CFAP54: variants seen among roughly 807,000 people sequenced by gnomAD.
CFAP54 encodes cilia- and flagella-associated protein 54.
CFAP54 carries 290 observed loss-of-function variants against 370.4 expected under a neutral mutation model. The ratio of observed to expected loss-of-function variants is 0.78; its 90% CI spans 0.71 to 0.86. The LOEUF (loss-of-function observed/expected upper bound fraction) is 0.86. CFAP54 is among the 40% of genes least tolerant of loss of function. The probability of loss-of-function intolerance (pLI) is 0.00; values close to 1 mark genes in which losing one functional copy is unlikely to be tolerated. For synonymous variants in CFAP54, 1,206 were observed against 1,236.5 expected, an observed-to-expected ratio of 0.98 and a Z score of 0.52; for missense variants, 3,399 against 3,528.7, an observed-to-expected ratio of 0.96 and a Z score of 0.93.
intron 22 of CFAP54, among the ~76,000 whole-genome samples, chr12:96,587,853 G>T (rs546678801): frequency 6.6e-6 from 1 of 151,998 alleles, no homozygotes; most frequent in Non-Finnish European, 1.5e-5. Context: ...TTTGATTAAT[G>T]TAGCCCAGAA....
chr12:96,561,992 G>T (rs1592852035), intron 17 of CFAP54, among the ~76,000 whole-genome samples: 1 of 151,928 alleles, frequency 6.6e-6, no homozygotes, highest in Non-Finnish European at 1.5e-5. Flanking sequence ...CACCATGTTG[G>T]CCAGGCTGGT....
intron 66 of CFAP54, among the ~76,000 whole-genome samples, chr12:96,855,656 G>A (rs1959681862): frequency 6.6e-6 from 1 of 152,238 alleles, no homozygotes; most frequent in African/African-American, 2.4e-5. Context: ...TGATGCAAGA[G>A]GTGGGCCCCC....
At chr12:96,600,889 ATCATG>A (rs1178647196) in intron 26 of CFAP54, among the ~76,000 whole-genome samples, 1 of 152,180 alleles carries the variant, frequency 6.6e-6, no homozygotes, top group Non-Finnish European at 1.5e-5. Flanking sequence ...TAAATATACA[ATCATG>A]TCATCTGCAA....
At chr12:96,508,898 A>C (rs547579930) in intron 4 of CFAP54, among the ~76,000 whole-genome samples, 1 of 151,986 alleles carries the variant, frequency 6.6e-6, no homozygotes, top group Non-Finnish European at 1.5e-5. Flanking sequence ...ATATCCTTAC[A>C]CATGTCCTTT....
At position 96,666,577 on chromosome 12, in the gene CFAP54, G is replaced by A. The variant is rs577808907; in HGVS notation, c.5563+2645G>A. On this transcript the variant is annotated intron_variant, in intron 39 of 67. Transcript: ENST00000524981. ...CGGCAAGCTGGAGAGCATGTGCAGG[G>A]GAACTGCCCTTTATAAACCATCAGA... is the stretch of plus-strand genomic sequence containing the variant. 6.6e-5 allele frequency among the ~76,000 whole-genome samples: 10 copies of A among 152,300 alleles called. No homozygotes were observed. In the East Asian group the frequency reaches 1.9e-3, roughly 29 times the overall value.
chr12:96,860,805 A>T lies in CFAP54; in HGVS notation c.9172-14A>T. ...AACAATGCATTTCATGAACACTTTT[A>T]TGTTTTTCCTCAGGTCCCATTTGAT... On this transcript the variant is annotated splice_polypyrimidine_tract_variant and intron_variant, in intron 66 of 67. Coordinates refer to ENST00000524981, the MANE Select transcript of CFAP54 (RefSeq NM_001306084.2). 6.6e-7 allele frequency: 1 copy of T among 1,519,300 alleles called. No individual in the cohort carries two copies. The highest frequency in any genetic ancestry group is 1.4e-5 in the African/African-American group (1 of 72,252). 94.1% of individuals were successfully genotyped at this position (1,519,300 alleles called of 1,614,324 possible). A position where few individuals can be genotyped will look rare whatever the true frequency, so the allele number is the denominator to read the frequency against.
intron 23 of CFAP54, among the ~76,000 whole-genome samples, chr12:96,590,832 G>A (rs1956116785): frequency 6.6e-6 from 1 of 152,094 alleles, no homozygotes; most frequent in East Asian, 1.9e-4. Context: ...TTTTGAGTTT[G>A]GTTTTCCAGC....
intron 66 of CFAP54, among the ~76,000 whole-genome samples, chr12:96,849,597 A>G (rs879742057): frequency 1.3e-5 from 2 of 152,252 alleles, no homozygotes; most frequent in Non-Finnish European, 2.9e-5. Flanking sequence ...AGCACAAGTA[A>G]TAAAATCTTT....
intron 67 of CFAP54, among the ~76,000 whole-genome samples, chr12:96,872,519 G>A (rs1174840666): frequency 6.6e-6 from 1 of 152,010 alleles, no homozygotes; most frequent in South Asian, 2.1e-4. Flanking sequence ...TTGTCATTAA[G>A]GTATATTTCA....
chr12:96,555,136 A>G (rs1021481332), intron 17 of CFAP54, among the ~76,000 whole-genome samples: 1 of 152,048 alleles, frequency 6.6e-6, no homozygotes, highest in Non-Finnish European at 1.5e-5. Context: ...TGCCAATAAG[A>G]CAGTCTACTT....
intron 67 of CFAP54, among the ~76,000 whole-genome samples, chr12:96,867,879 C>T (rs2136469788): frequency 6.6e-6 from 1 of 152,138 alleles, no homozygotes; most frequent in Middle Eastern, 3.4e-3. Context: ...TCAAAAATTG[C>T]TGAGAGAAGA....
At chr12:96,688,267 T>A (rs1213868031) in intron 42 of CFAP54, among the ~76,000 whole-genome samples, 1 of 152,156 alleles carries the variant, frequency 6.6e-6, no homozygotes, top group Non-Finnish European at 1.5e-5. Flanking sequence ...GACATTAATG[T>A]TTGGTGGAGA....
chr12:96,572,084 C>T (rs1565900290), intron 19 of CFAP54, among the ~76,000 whole-genome samples: 1 of 152,166 alleles, frequency 6.6e-6, no homozygotes, highest in Non-Finnish European at 1.5e-5. Context: ...TCTTAAAAGA[C>T]ACTGTAATAA....
rs770367238 is a variant in CFAP54, at chr12:96,764,214, T to C, written c.8104T>C (p.Ser2702Pro). The C allele has an allele frequency of 4.5e-5, 72 of 1,613,266 alleles. No homozygotes were observed. Among genetic ancestry groups the C allele is most frequent in the Non-Finnish European group, 5.9e-5 (70 of 1,179,696 alleles). ...AGCAAATAAATTTGAAATGTACAGT[T>C]CATTAGCCTGGATTGCAATAAGAGC... ...TSANKFEMYSSLAWIAIRAAA... is the reference protein window; with the variant it reads ...TSANKFEMYSPLAWIAIRAAA... Residue 2702 changes from serine to proline, a missense_variant, in exon 59 of 68, where the codon TCA becomes CCA. Coordinates refer to ENST00000524981, the MANE Select transcript of CFAP54 (RefSeq NM_001306084.2).
At chr12:96,854,118 C>G (rs1489898402) in intron 66 of CFAP54, among the ~76,000 whole-genome samples, 3 of 151,750 alleles carry the variant, frequency 2.0e-5, no homozygotes, top group African/African-American at 7.3e-5. Flanking sequence ...TCTTTGTTTC[C>G]TACCTTGATT....
intron 26 of CFAP54, among the ~76,000 whole-genome samples, chr12:96,618,625 C>CA (rs11370839): frequency 0.81 from 123,312 of 152,044 alleles, 50,261 homozygotes; most frequent in East Asian, 0.98. Flanking sequence ...GGGTTTGGGC[C>CA]GCCACTGAAG....
chr12:96,740,303 T>C (rs1278379453), intron 51 of CFAP54, among the ~76,000 whole-genome samples: 3 of 152,240 alleles, frequency 2.0e-5, no homozygotes, highest in African/African-American at 7.2e-5. Context: ...GATATAATAA[T>C]TACTAAAGTC....
At chr12:96,666,159 GA>G (rs1957077124) in intron 39 of CFAP54, among the ~76,000 whole-genome samples, 1 of 152,158 alleles carries the variant, frequency 6.6e-6, no homozygotes, top group Admixed American at 6.5e-5. Context: ...AACAAAGATG[GA>G]AAAAGGTTGT....
At chr12:96,552,246 C>CAAAAAAAAAAAAAAAAAAAAAA (rs374756712) in intron 15 of CFAP54, among the ~76,000 whole-genome samples, 1 of 40,986 alleles carries the variant, frequency 2.4e-5, no homozygotes, top group African/African-American at 7.6e-5. Flanking sequence ...AACTACATCT[C>CAAAAAAAAAAAAAAAAAAAAAA]AAAAAAAAAA....
Sources: gnomAD v4.1 joint callset for allele counts (sites outside exome capture counted in the v4.1 genomes callset) on GRCh38, gnomAD v4.1.1 for gene constraint, MANE v1.5 for transcripts, NCBI Gene and HGNC (gene_info 2026-07-23, HGNC 2026-07-21) for gene names.